The following ZC3H12C variants were observed in gnomAD, a reference collection of about 807,000 sequenced individuals.
ZC3H12C encodes the protein zinc finger CCCH-type containing 12C.
Under a neutral mutation model 76.3 loss-of-function variants are expected in ZC3H12C, and 20 were observed. The ratio of observed to expected loss-of-function variants is 0.26; its 90% CI spans 0.18 to 0.38. The LOEUF (loss-of-function observed/expected upper bound fraction) is 0.38. Among genes scored for constraint, ZC3H12C ranks in the 10% least tolerant of loss-of-function variants. The pLI, the probability that ZC3H12C is intolerant of heterozygous loss-of-function variation, is 1.00. For synonymous variants in ZC3H12C, 352 were observed against 399.6 expected (o/e 0.88, Z 1.42); for missense variants, 874 against 1,086.5 (o/e 0.80, Z 2.75).
intron 1 of ZC3H12C, among the ~76,000 whole-genome samples, chr11:110,119,289 T>G (rs1861612999): frequency 6.6e-6 from 1 of 152,214 alleles, no homozygotes; most frequent in South Asian, 2.1e-4. Flanking sequence ...TTCCTTCATG[T>G]GACCTAAAAC....
Position 110,165,145 on chromosome 11 carries a change from G to A in ZC3H12C, c.2060G>A (p.Gly687Glu), listed in dbSNP as rs201090173. 446 of 1,613,658 alleles carry A rather than the reference G, an allele frequency of 2.8e-4. No individual in the cohort carries two copies. Among genetic ancestry groups the A allele is most frequent in the Non-Finnish European group, 3.7e-4 (433 of 1,179,878 alleles). ...AATTTCCACGACCCCTTAACCAGAGGGCAAAGTTACAGTCACGAAGAACCA... is the reference window on the plus strand; with the variant it reads ...AATTTCCACGACCCCTTAACCAGAGAGCAAAGTTACAGTCACGAAGAACCA... ...LQNFHDPLTR[G>E]QSYSHEEPKF... The change falls in exon 6 of 6, where the codon GGG (glycine) becomes GAG (glutamate). Residue 687 changes from glycine (G) to glutamate (E), a missense_variant. Gly to Glu is a moderately conservative substitution (Grantham distance 98, BLOSUM62 -2). Around this residue, in one of 3 missense-constraint regions of ZC3H12C, gnomAD observed 395 missense variants for 434.4 expected, o/e 0.91. Transcript: ENST00000278590.
chr11:110,105,726 T>C (rs1354464441), intron 1 of ZC3H12C, among the ~76,000 whole-genome samples: 2 of 152,194 alleles, frequency 1.3e-5, no homozygotes, highest in African/African-American at 4.8e-5. Flanking sequence ...TTTTGTTTGG[T>C]TCTTGCTTTT....
intron 2 of ZC3H12C, among the ~76,000 whole-genome samples, chr11:110,147,820 C>T (rs1862198685): frequency 6.6e-6 from 1 of 152,134 alleles, no homozygotes; most frequent in African/African-American, 2.4e-5. Context: ...CCTTCTTCTT[C>T]ATCATTTCTG....
At chr11:110,126,473 G>T in intron 1 of ZC3H12C, among the ~76,000 whole-genome samples, 1 of 152,096 alleles carries the variant, frequency 6.6e-6, no homozygotes, top group Admixed American at 6.5e-5. Context: ...TCCTGCCTCA[G>T]CCTCCTAAAG....
At chr11:110,114,978 G>T (rs1424824733) in intron 1 of ZC3H12C, among the ~76,000 whole-genome samples, 2 of 152,198 alleles carry the variant, frequency 1.3e-5, no homozygotes, top group Non-Finnish European at 2.9e-5. Flanking sequence ...GAAATTATAG[G>T]AGAGGTGGGA....
At chr11:110,135,861 G>A (rs1284616245) in intron 1 of ZC3H12C, 1 of 152,048 alleles carries the variant, frequency 6.6e-6, no homozygotes, top group East Asian at 1.9e-4. Flanking sequence ...CGTAAGTGCA[G>A]ATAGAATAAA....
intron 3 of ZC3H12C, 146 bp downstream of exon 3, chr11:110,153,204 C>A: frequency 9.2e-7 from 1 of 1,086,722 alleles, no homozygotes; most frequent in Non-Finnish European, 1.3e-6. Context: ...TTGTTGTTTT[C>A]TGAGATAGAG....
At chr11:110,097,335 A>G (rs1430285150) in intron 1 of ZC3H12C, among the ~76,000 whole-genome samples, 1 of 152,214 alleles carries the variant, frequency 6.6e-6, no homozygotes, top group Admixed American at 6.5e-5. Context: ...CCTTTAAGAT[A>G]AGTATCACAT....
intron 2 of ZC3H12C, among the ~76,000 whole-genome samples, chr11:110,145,137 A>C (rs977094862): frequency 1.2e-4 from 19 of 152,324 alleles, no homozygotes; most frequent in African/African-American, 4.3e-4. Context: ...TAACCATTGT[A>C]GGTGGCTAAT....
At chr11:110,159,539 A>G in intron 4 of ZC3H12C, 49 bp downstream of exon 4, 1 of 1,444,306 alleles carries the variant, frequency 6.9e-7, no homozygotes, top group Non-Finnish European at 9.5e-7. Flanking sequence ...GTAAAAATAT[A>G]ACTATCCCTG....
At chr11:110,149,487 T>C (rs1312480786) in intron 2 of ZC3H12C, among the ~76,000 whole-genome samples, 2 of 152,230 alleles carry the variant, frequency 1.3e-5, no homozygotes, top group African/African-American at 4.8e-5. Context: ...CAAATTGCTC[T>C]CCCAAATAGT....
intron 3 of ZC3H12C, among the ~76,000 whole-genome samples, chr11:110,158,478 C>G (rs1862417492): frequency 6.6e-6 from 1 of 151,960 alleles, no homozygotes. Context: ...CCACTGCACT[C>G]CAGCCTGGGC....
chr11:110,165,453 C>T lies in ZC3H12C; in HGVS notation c.2368C>T (p.Arg790Trp), dbSNP rs1426864696. ...PGYGIDAYGY[R>W]QTYSLPDNST... Reference sequence around the variant, plus strand: ...CTATGGGATCGACGCCTATGGGTACCGGCAGACTTATTCCTTGCCCGATAA... The same window carrying T: ...CTATGGGATCGACGCCTATGGGTACTGGCAGACTTATTCCTTGCCCGATAA... Residue 790 changes from arginine (R) to tryptophan (W), a missense_variant, in exon 6 of 6, where the codon CGG becomes TGG. This residue lies in a region of ZC3H12C where 395 missense variants were observed against 434.4 expected (regional missense o/e 0.91). Transcript: ENST00000278590. 3.7e-6 allele frequency: 6 copies of T among 1,613,986 alleles called. 1 individual carries two copies. In the South Asian group the frequency reaches 5.5e-5, roughly 15 times the overall value.
chr11:110,124,106 T>A (rs1468709720), intron 1 of ZC3H12C: 1 of 152,194 alleles, frequency 6.6e-6, no homozygotes, highest in Non-Finnish European at 1.5e-5. Context: ...CAGTGGAACT[T>A]CCGCAGTTGC....
At chr11:110,108,291 C>G (rs1038427665) in intron 1 of ZC3H12C, among the ~76,000 whole-genome samples, 4 of 152,188 alleles carry the variant, frequency 2.6e-5, no homozygotes, top group African/African-American at 7.2e-5. Context: ...TTCATGCCCT[C>G]TTTACCTGGC....
chr11:110,140,246 C>T (rs1416067275), intron 2 of ZC3H12C, among the ~76,000 whole-genome samples: 1 of 152,038 alleles, frequency 6.6e-6, no homozygotes, highest in Non-Finnish European at 1.5e-5. Context: ...GCTGAGATCA[C>T]ATCACTGCAC....
chr11:110,136,794 C>A lies in ZC3H12C; in HGVS notation c.153C>A (p.Asp51Glu), dbSNP rs749738054. ...GCCACCTTTATGTGGAGAGCACTGA[C>A]CCACAGTTAAGTCCAGCTGTACCTT... The part of the protein sequence containing the change: ...DLGHLYVEST[D>E]PQLSPAVPWS... Residue 51 changes from aspartate to glutamate, a missense_variant, in exon 2 of 6, where the codon GAC becomes GAA. Coordinates refer to ENST00000278590, the MANE Select transcript of ZC3H12C (RefSeq NM_033390.2). 2.2e-5 allele frequency: 36 copies of A among 1,613,912 alleles called. No homozygotes were observed. The highest frequency in any genetic ancestry group is 3.1e-5 in the Non-Finnish European group (36 of 1,179,868).
rs1406265058 is a variant in ZC3H12C at position 110,141,660 on chromosome 11, GCT to G, written c.773+4252_773+4253del. ...CGGAATTCATACAAATTTGTTTTTG[GCT>G]CTCTCAACAAAACTGTATCAAAATT... is the stretch of plus-strand genomic sequence containing the variant. On this transcript the variant is annotated intron_variant, in intron 2 of 5. Coordinates refer to ENST00000278590, the MANE Select transcript of ZC3H12C (RefSeq NM_033390.2). Among the ~76,000 whole-genome samples, 5 of 152,104 alleles carry G rather than the reference GCT, an allele frequency of 3.3e-5. No homozygotes were observed. In the East Asian group the frequency reaches 7.7e-4, roughly 23 times the overall value.
intron 4 of ZC3H12C, among the ~76,000 whole-genome samples, chr11:110,161,472 AT>A (rs1166846589): frequency 1.3e-5 from 2 of 152,226 alleles, no homozygotes; most frequent in Non-Finnish European, 2.9e-5. Flanking sequence ...AAGTAAATAT[AT>A]TTCTAAATAT....
Sources: gnomAD v4.1 joint callset for allele counts (sites outside exome capture counted in the v4.1 genomes callset) on GRCh38, gnomAD v4.1.1 for gene constraint, gnomAD v4.1.1 regional missense constraint, MANE v1.5 for transcripts, NCBI Gene and HGNC (gene_info 2026-07-23, HGNC 2026-07-21) for gene names.